CFAP95: variants seen among roughly 807,000 people sequenced by gnomAD.
CFAP95 encodes cilia and flagella associated protein 95, also known as cilia- and flagella-associated protein 95.
At chr9:69,864,330 C>T in the CFAP95 span, among the ~76,000 whole-genome samples, 7 of 150,162 alleles carry the variant, frequency 4.7e-5, no homozygotes, top group African/African-American at 1.2e-4. Context: ...TGTGTGTATA[C>T]GTGTGTGTGT....
At chr9:69,828,969 AT>A in the CFAP95 span, among the ~76,000 whole-genome samples, 1 of 152,178 alleles carries the variant, frequency 6.6e-6, no homozygotes, top group Admixed American at 6.5e-5. Context: ...ACAATACTTC[AT>A]TTCTTTCAGC....
At chr9:69,860,365 T>G in the CFAP95 span, among the ~76,000 whole-genome samples, 317 of 152,076 alleles carry the variant, frequency 2.1e-3, 2 homozygotes, top group African/African-American at 7.2e-3. Context: ...GCCAGGGTCT[T>G]TTTAACTACC....
chr9:69,905,938 C>CT, the CFAP95 span: 3 of 1,487,060 alleles, frequency 2.0e-6, no homozygotes, highest in Admixed American at 2.4e-5. Flanking sequence ...TATTATTTCT[C>CT]TTTTTTCCCC....
At chr9:69,864,067 G>A in the CFAP95 span, among the ~76,000 whole-genome samples, 18 of 152,214 alleles carry the variant, frequency 1.2e-4, 1 homozygote, top group South Asian at 3.7e-3. Flanking sequence ...GTTCCCACTG[G>A]AGGATGGAGA....
chr9:69,843,195 T>A, the CFAP95 span, among the ~76,000 whole-genome samples: 15 of 152,112 alleles, frequency 9.9e-5, no homozygotes, highest in Non-Finnish European at 2.2e-4. Flanking sequence ...GTCCCTGGCA[T>A]GTAGTAGGAA....
chr9:69,839,940 G>C, the CFAP95 span, among the ~76,000 whole-genome samples: 1 of 151,422 alleles, frequency 6.6e-6, no homozygotes, highest in Non-Finnish European at 1.5e-5. Flanking sequence ...AGCTGGGCAC[G>C]GTGGCGTGTG....
chr9:69,885,490 A>G, the CFAP95 span, among the ~76,000 whole-genome samples: 1 of 152,160 alleles, frequency 6.6e-6, no homozygotes, highest in Admixed American at 6.5e-5. Flanking sequence ...CCTCCTGTGA[A>G]TCTAAGGCCA....
chr9:69,825,197 A>C, the CFAP95 span, among the ~76,000 whole-genome samples: 1 of 152,232 alleles, frequency 6.6e-6, no homozygotes, highest in Non-Finnish European at 1.5e-5. Flanking sequence ...ATCTATAAAC[A>C]CACCATTAGC....
At chr9:69,878,924 G>T in the CFAP95 span, among the ~76,000 whole-genome samples, 1 of 152,106 alleles carries the variant, frequency 6.6e-6, no homozygotes, top group Admixed American at 6.6e-5. Context: ...CAGGCACATC[G>T]CATGGCAGAA....
chr9:69,858,153 C>A, the CFAP95 span: 11 of 574,018 alleles, frequency 1.9e-5, no homozygotes, highest in Non-Finnish European at 3.1e-5. Flanking sequence ...ACATTAATAA[C>A]CGTAATAATA....
the CFAP95 span, among the ~76,000 whole-genome samples, chr9:69,824,026 G>A: frequency 6.6e-6 from 1 of 152,174 alleles, no homozygotes; most frequent in Non-Finnish European, 1.5e-5. Flanking sequence ...GGGCTCAGAG[G>A]CCTGACAGTT....
chr9:69,828,507 C>T, the CFAP95 span, among the ~76,000 whole-genome samples: 1 of 152,108 alleles, frequency 6.6e-6, no homozygotes, highest in South Asian at 2.1e-4. Flanking sequence ...TGGTGAAACC[C>T]AATCTCTACC....
At chr9:69,839,751 G>T in the CFAP95 span, among the ~76,000 whole-genome samples, 1 of 151,702 alleles carries the variant, frequency 6.6e-6, no homozygotes, top group African/African-American at 2.4e-5. Flanking sequence ...TTTTATGCAT[G>T]GAAATACATG....
the CFAP95 span, among the ~76,000 whole-genome samples, chr9:69,903,048 A>G: frequency 1.3e-5 from 2 of 152,310 alleles, no homozygotes; most frequent in South Asian, 4.1e-4. Context: ...TATAAAAGCA[A>G]TTTACTGGCT....
the CFAP95 span, among the ~76,000 whole-genome samples, chr9:69,894,234 T>G: frequency 1.3e-5 from 2 of 152,250 alleles, no homozygotes; most frequent in Non-Finnish European, 2.9e-5. Context: ...GAGTCTCATG[T>G]CATTCTGCCA....
At chr9:69,889,565 C>T in the CFAP95 span, among the ~76,000 whole-genome samples, 8 of 152,166 alleles carry the variant, frequency 5.3e-5, no homozygotes, top group African/African-American at 1.9e-4. Flanking sequence ...GTTCCCCAGG[C>T]CCTAGCCCAC....
the CFAP95 span, among the ~76,000 whole-genome samples, chr9:69,865,905 TA>T: frequency 6.6e-6 from 1 of 152,174 alleles, no homozygotes; most frequent in Non-Finnish European, 1.5e-5. Flanking sequence ...CAGTACTCCC[TA>T]CAAAAACTCT....
At chr9:69,899,956 T>C in the CFAP95 span, among the ~76,000 whole-genome samples, 8 of 152,250 alleles carry the variant, frequency 5.3e-5, no homozygotes, top group Non-Finnish European at 1.0e-4. Flanking sequence ...CATTTTTATG[T>C]AATAAATCAA....
At chr9:69,844,294 G>A in the CFAP95 span, among the ~76,000 whole-genome samples, 2 of 152,102 alleles carry the variant, frequency 1.3e-5, no homozygotes, top group Non-Finnish European at 2.9e-5. Flanking sequence ...AGTATTGTTT[G>A]GGTGATATTA....
Sources: gnomAD v4.1 joint callset for allele counts (sites outside exome capture counted in the v4.1 genomes callset) on GRCh38, gnomAD v4.1.1 for gene constraint, MANE v1.5 for transcripts, NCBI Gene and HGNC (gene_info 2026-07-23, HGNC 2026-07-21) for gene names.